The following KCNK9 variants were observed in gnomAD, a reference collection of about 807,000 sequenced individuals.
The protein encoded by KCNK9 is potassium two pore domain channel subfamily K member 9, also known as potassium channel subfamily K member 9.
Under a neutral mutation model 10.8 loss-of-function variants are expected in KCNK9, and 1 was observed. That is an observed-to-expected ratio of 0.09 (90% CI 0.03 to 0.44). The LOEUF is 0.44. Ranked by LOEUF, KCNK9 falls within the 20% of genes least tolerant of loss-of-function variation. The pLI is 0.97. For missense variants in KCNK9, 303 were observed against 515.0 expected, an observed-to-expected ratio of 0.59 and a Z score of 3.98; for synonymous variants, 231 against 222.7, an observed-to-expected ratio of 1.04 and a Z score of -0.33.
chr8:139,646,252 C>T (rs903458493), intron 1 of KCNK9, among the ~76,000 whole-genome samples: 2 of 152,234 alleles, frequency 1.3e-5, no homozygotes, highest in African/African-American at 2.4e-5. Flanking sequence ...CATGGAACCA[C>T]CTTCCTCTCC....
chr8:139,690,765 C>T (rs894264724), intron 1 of KCNK9, among the ~76,000 whole-genome samples: 29 of 152,152 alleles, frequency 1.9e-4, no homozygotes, highest in South Asian at 8.3e-4. Context: ...GTCCTAAGCT[C>T]CACTTCATGA....
chr8:139,651,019 C>A (rs192334406), intron 1 of KCNK9, among the ~76,000 whole-genome samples: 1 of 152,314 alleles, frequency 6.6e-6, no homozygotes, highest in Admixed American at 6.5e-5. Context: ...GAGTACTGGG[C>A]TGCAGGTCAG....
chr8:139,647,061 C>T (rs1019457901), intron 1 of KCNK9, among the ~76,000 whole-genome samples: 1 of 152,252 alleles, frequency 6.6e-6, no homozygotes, highest in Admixed American at 6.5e-5. Flanking sequence ...GGACCTCTCC[C>T]GCCCTCTGTT....
chr8:139,621,396 G>A (rs1488221428), intron 1 of KCNK9, among the ~76,000 whole-genome samples: 1 of 152,016 alleles, frequency 6.6e-6, no homozygotes, highest in Non-Finnish European at 1.5e-5. Flanking sequence ...CCACACGCCA[G>A]AGTCAAGCTG....
At chr8:139,626,864 G>A (rs1198767181) in intron 1 of KCNK9, among the ~76,000 whole-genome samples, 1 of 152,238 alleles carries the variant, frequency 6.6e-6, no homozygotes, top group African/African-American at 2.4e-5. Flanking sequence ...GGAGCAGGCT[G>A]GAGAAGAGAG....
intron 1 of KCNK9, among the ~76,000 whole-genome samples, chr8:139,639,426 A>G (rs1413372501): frequency 6.6e-6 from 1 of 152,156 alleles, no homozygotes; most frequent in African/African-American, 2.4e-5. Flanking sequence ...GGGAGTAGTG[A>G]CCAACACAGG....
chr8:139,619,429 A>C (rs1169306222), intron 1 of KCNK9, among the ~76,000 whole-genome samples: 1 of 152,088 alleles, frequency 6.6e-6, no homozygotes, highest in Non-Finnish European at 1.5e-5. Context: ...GGATGGAGGA[A>C]CATTCGAATG....
intron 1 of KCNK9, among the ~76,000 whole-genome samples, chr8:139,654,753 G>T (rs1021435804): frequency 3.3e-5 from 5 of 152,332 alleles, no homozygotes; most frequent in African/African-American, 1.2e-4. Flanking sequence ...CTCTGGGTGG[G>T]GGAAGGCAGA....
At chr8:139,640,911 C>T (rs1029416328) in intron 1 of KCNK9, among the ~76,000 whole-genome samples, 1 of 152,244 alleles carries the variant, frequency 6.6e-6, no homozygotes, top group East Asian at 1.9e-4. Context: ...CCAGGCCCAC[C>T]GGTAGCTCTC....
chr8:139,687,822 C>G (rs1816854609), intron 1 of KCNK9, among the ~76,000 whole-genome samples: 1 of 151,366 alleles, frequency 6.6e-6, no homozygotes, highest in South Asian at 2.1e-4. Flanking sequence ...ATCCACTTCT[C>G]CATGTGATTC....
chr8:139,682,841 G>A (rs965088261), intron 1 of KCNK9, among the ~76,000 whole-genome samples: 6 of 145,502 alleles, frequency 4.1e-5, no homozygotes, highest in Middle Eastern at 3.4e-3. Flanking sequence ...CCCCACACCC[G>A]CCCTTTAAAA....
At chr8:139,657,248 T>C (rs1816045580) in intron 1 of KCNK9, among the ~76,000 whole-genome samples, 1 of 152,166 alleles carries the variant, frequency 6.6e-6, no homozygotes, top group African/African-American at 2.4e-5. Flanking sequence ...CTTGGGTGGG[T>C]TGCTGAACCT....
At chr8:139,609,083 TG>T (rs1284541151), downstream of KCNK9, among the ~76,000 whole-genome samples, 1 of 145,924 alleles carries the variant, frequency 6.9e-6, no homozygotes, top group African/African-American at 2.6e-5. Flanking sequence ...CCCTTCCTCA[TG>T]GCAATCTGAG....
chr8:139,680,993 C>T (rs534749260), intron 1 of KCNK9, among the ~76,000 whole-genome samples: 1 of 152,324 alleles, frequency 6.6e-6, no homozygotes, highest in Admixed American at 6.5e-5. Flanking sequence ...TCTCCTCAAG[C>T]ACACATGTGG....
At chr8:139,701,640 G>A (rs1328429886) in intron 1 of KCNK9, among the ~76,000 whole-genome samples, 1 of 152,146 alleles carries the variant, frequency 6.6e-6, no homozygotes, top group African/African-American at 2.4e-5. Flanking sequence ...GCCTTGGCAA[G>A]TCCAAGGAGA....
chr8:139,609,537 C>T, downstream of KCNK9, among the ~76,000 whole-genome samples: 1 of 151,866 alleles, frequency 6.6e-6, no homozygotes, highest in South Asian at 2.1e-4. Flanking sequence ...CAGGGGCAGG[C>T]CCCTCTCTCA....
chr8:139,668,936 T>C (rs1330672108), intron 1 of KCNK9, among the ~76,000 whole-genome samples: 1 of 152,186 alleles, frequency 6.6e-6, no homozygotes, highest in Non-Finnish European at 1.5e-5. Context: ...TCGGAGACAA[T>C]GCAGTTTCGG....
chr8:139,646,008 C>G (rs1815664301), intron 1 of KCNK9, among the ~76,000 whole-genome samples: 1 of 152,202 alleles, frequency 6.6e-6, no homozygotes, highest in South Asian at 2.1e-4. Context: ...CTCAGACACT[C>G]CCTGGGGATG....
At position 139,671,612 on chromosome 8, in the gene KCNK9, G is replaced by T. The variant is rs571411076; in HGVS notation, c.283+31098C>A. ...TGCAACCTCTGCCTTCAGGGTTCAA[G>T]CGATAAGCGATTATCCTGCCTCAGC... On this transcript the variant is annotated intron_variant, in intron 1 of 1. Transcript: ENST00000520439. 1.4e-4 allele frequency among the ~76,000 whole-genome samples: 21 copies of T among 151,596 alleles called. No homozygotes were observed. The South Asian group carries it at 4.4e-3, about 32-fold the overall frequency.
Sources: gnomAD v4.1 joint callset for allele counts (sites outside exome capture counted in the v4.1 genomes callset) on GRCh38, gnomAD v4.1.1 for gene constraint, MANE v1.5 for transcripts, NCBI Gene and HGNC (gene_info 2026-07-23, HGNC 2026-07-21) for gene names.